Variants in DNAJB12 observed in about 807,000 individuals in gnomAD.
DNAJB12 encodes the protein DnaJ heat shock protein family (Hsp40) member B12.
A neutral mutation model predicts 40.6 loss-of-function variants in DNAJB12; 14 were observed. The observed-to-expected ratio is 0.34, with a 90% confidence interval of 0.23 to 0.54. The LOEUF (loss-of-function observed/expected upper bound fraction) is 0.54, where lower values mean the gene tolerates loss of function less well. Among genes scored for constraint, DNAJB12 ranks in the 20% least tolerant of loss-of-function variants. The probability of loss-of-function intolerance (pLI) is 0.92; values close to 1 mark genes in which losing one functional copy is unlikely to be tolerated. For missense variants in DNAJB12, 444 were observed against 501.7 expected (o/e 0.89, Z 1.10); for synonymous variants, 181 against 199.5 (o/e 0.91, Z 0.78).
intron 3 of DNAJB12, among the ~76,000 whole-genome samples, chr10:72,343,116 A>T (rs1461967639): frequency 1.3e-5 from 2 of 152,226 alleles, no homozygotes; most frequent in African/African-American, 4.8e-5. Flanking sequence ...CAGCTCTACT[A>T]CGTAACCCCA....
intron 1 of DNAJB12, chr10:72,354,506 C>T: frequency 6.7e-6 from 3 of 449,082 alleles, no homozygotes; most frequent in Non-Finnish European, 1.2e-5. Flanking sequence ...GTTTCATTCT[C>T]GGAGACCTCA....
Position 72,336,688 on chromosome 10 carries a change from C to T in DNAJB12, c.842G>A (p.Gly281Asp). The T allele has an allele frequency of 5.6e-6, 9 of 1,613,754 alleles. No homozygotes were observed. Among genetic ancestry groups the T allele is most frequent in the Non-Finnish European group, 6.8e-6 (8 of 1,179,760 alleles). ...PYSLSPRPSV[G>D]HIHRRVTDHL... Reference sequence around the variant, plus strand: ...GTCAGTGACTCGCCTGTGGATGTGGCCCACGGACCTGGCCAGAAATACCAG... The same window carrying T: ...GTCAGTGACTCGCCTGTGGATGTGGTCCACGGACCTGGCCAGAAATACCAG... The change falls in exon 7 of 9, where the codon GGC (glycine) becomes GAC (aspartate). Residue 281 changes from glycine (G) to aspartate (D), a missense_variant. Gly to Asp is a moderately conservative substitution (Grantham distance 94). Transcript: ENST00000444643.
In DNAJB12 at chr10:72,336,684, G is replaced by A; in HGVS notation, c.846C>T (p.His282=). Residue 282 remains histidine, a synonymous_variant, in exon 7 of 9, where the codon CAC becomes CAT. Coordinates refer to ENST00000444643, the MANE Select transcript of DNAJB12 (RefSeq NM_017626.7). ...YSLSPRPSVG[H]IHRRVTDHLG... Reference sequence around the variant, plus strand: ...GGTGGTCAGTGACTCGCCTGTGGATGTGGCCCACGGACCTGGCCAGAAATA... The same window carrying A: ...GGTGGTCAGTGACTCGCCTGTGGATATGGCCCACGGACCTGGCCAGAAATA... 6.2e-7 allele frequency: 1 copy of A among 1,613,976 alleles called. No homozygotes were observed. Among genetic ancestry groups the A allele is most frequent in the Non-Finnish European group, 8.5e-7 (1 of 1,179,904 alleles).
intron 5 of DNAJB12, among the ~76,000 whole-genome samples, chr10:72,340,481 C>T (rs561469811): frequency 2.3e-4 from 35 of 152,374 alleles, no homozygotes; most frequent in African/African-American, 7.7e-4. Flanking sequence ...GCCTTACCAG[C>T]GAGCGGTCTG....
rs779563267 is a variant in DNAJB12 at position 72,338,272 on chromosome 10, T to A, written c.763A>T (p.Ile255Phe). The change falls in exon 6 of 9, where the codon ATC (isoleucine) becomes TTC (phenylalanine). Residue 255 changes from isoleucine (I) to phenylalanine (F), a missense_variant. Coordinates refer to ENST00000444643, the MANE Select transcript of DNAJB12 (RefSeq NM_017626.7). ...CTGAGAGCTGACACGAGAATCAGGA[T>A]GAGGATAGGCATCAGCTGCACAAAC... The part of the protein sequence containing the change: ...GVFVQLMPIL[I>F]LILVSALSQL... 2.5e-6 allele frequency: 4 copies of A among 1,613,944 alleles called. No individual in the cohort carries two copies. The highest frequency in any genetic ancestry group is 3.4e-6 in the Non-Finnish European group (4 of 1,179,948).
At chr10:72,346,782 T>A (rs1861800242) in intron 1 of DNAJB12, among the ~76,000 whole-genome samples, 1 of 152,064 alleles carries the variant, frequency 6.6e-6, no homozygotes, top group Non-Finnish European at 1.5e-5. Context: ...AATACTACTT[T>A]AATTGCTATT....
At position 72,345,111 on chromosome 10, in the gene DNAJB12, G is replaced by T; in HGVS notation, c.150C>A (p.Leu50=). 6.2e-7 allele frequency: 1 copy of T among 1,612,472 alleles called. No homozygotes were observed. The highest frequency in any genetic ancestry group is 1.1e-5 in the South Asian group (1 of 90,802). Reference sequence around the variant, plus strand: ...CACCGGCAGTCTGTGGTTTCTGGTTGAGGGACTCAATCAGGGCTGTGCAAG... The same window carrying T: ...CACCGGCAGTCTGTGGTTTCTGGTTTAGGGACTCAATCAGGGCTGTGCAAG... ...TPRVRALIES[L]NQKPQTAGDQ... The change falls in exon 2 of 9, where the codon CTC becomes CTA. Residue 50 remains leucine, a synonymous_variant. Transcript: ENST00000444643.
At chr10:72,337,999 G>A (rs1330092263) in intron 6 of DNAJB12, among the ~76,000 whole-genome samples, 2 of 152,126 alleles carry the variant, frequency 1.3e-5, no homozygotes, top group African/African-American at 2.4e-5. Flanking sequence ...TGTAGCTCTC[G>A]CTGCAATTTC....
chr10:72,346,330 ATTTT>A (rs965588361), intron 1 of DNAJB12, among the ~76,000 whole-genome samples: 5 of 133,882 alleles, frequency 3.7e-5, no homozygotes, highest in African/African-American at 1.1e-4. Context: ...CGCCTGGCTA[ATTTT>A]TTTTTTTTTG....
At position 72,335,138 on chromosome 10, in the gene DNAJB12, A is replaced by G. The variant is rs1000016676; in HGVS notation, c.*31-521T>C. 6 of 988,762 alleles carry G rather than the reference A, an allele frequency of 6.1e-6. No homozygotes were observed. Among genetic ancestry groups the G allele is most frequent in the Non-Finnish European group, 7.2e-6 (6 of 831,788 alleles). 61.2% of individuals were successfully genotyped at this position (988,762 alleles called of 1,614,324 possible). ...GGATGCCTGTGGCTTCCAGGCTGCC[A>G]GGTGTGACGGCATTCGAGAGAGTGC... On this transcript the variant is annotated intron_variant, in intron 8 of 8. Coordinates refer to ENST00000444643, the MANE Select transcript of DNAJB12 (RefSeq NM_017626.7). The surrounding 1 kb of genome is among the most constrained non-coding windows in gnomAD (Gnocchi z 4.4).
chr10:72,354,866 C>T lies in DNAJB12; in HGVS notation c.32G>A (p.Cys11Tyr). ...GATGGCCTTGAGGGCGATGCTGATA[C>T]AGCGCTCAGCTTCATCCTTGTTGGA... is the stretch of plus-strand genomic sequence containing the variant. MESNKDEAER[C>Y]ISIALKAIQS... The change falls in exon 1 of 9, where the codon TGT (cysteine) becomes TAT (tyrosine). Residue 11 changes from cysteine (C) to tyrosine (Y), a missense_variant. Coordinates refer to ENST00000444643, the MANE Select transcript of DNAJB12 (RefSeq NM_017626.7). 1 of 1,614,110 alleles carries T rather than the reference C, an allele frequency of 6.2e-7. No homozygotes were observed. The highest frequency in any genetic ancestry group is 8.5e-7 in the Non-Finnish European group (1 of 1,179,956).
rs756696819 is a variant in DNAJB12, at chr10:72,345,089, C to T, written c.172G>A (p.Gly58Ser). ...GTGTCTGTGGGTGGGGGTTGGTCAC[C>T]GGCAGTCTGTGGTTTCTGGTTGAGG... The part of the protein sequence containing the change: ...ESLNQKPQTA[G>S]DQPPPTDTTH... Residue 58 changes from glycine (G) to serine (S), a missense_variant, in exon 2 of 9, where the codon GGT becomes AGT. Physicochemically the swap from Gly to Ser is moderately conservative, Grantham distance 56 (BLOSUM62 0). Transcript: ENST00000444643. The T allele has an allele frequency of 3.1e-6, 5 of 1,613,694 alleles. No homozygotes were observed. Among genetic ancestry groups the T allele is most frequent in the African/African-American group, 1.3e-5 (1 of 74,906 alleles).
In DNAJB12 at chr10:72,336,851, G is replaced by T. The variant is rs1564817509; in HGVS notation, c.834-155C>A. 11 of 588,664 alleles carry T rather than the reference G, an allele frequency of 1.9e-5. No individual in the cohort carries two copies. The Admixed American group carries it at 3.5e-4, about 19-fold the overall frequency. The allele number at this position is 588,664 out of a possible 1,614,324, so 36.5% of individuals were successfully genotyped here. A position where few individuals can be genotyped will look rare whatever the true frequency, so the allele number is the denominator to read the frequency against. ...GGGACCCGCACACTCCCTGAAAGGA[G>T]AGTCTGAGGAAAAGGCAGCGTCCTC... is the stretch of plus-strand genomic sequence containing the variant. On this transcript the variant is annotated intron_variant, in intron 6 of 8. Transcript: ENST00000444643.
At chr10:72,334,843 A>C in intron 8 of DNAJB12, 2 of 1,346,494 alleles carry the variant, frequency 1.5e-6, no homozygotes, top group Non-Finnish European at 1.9e-6. Flanking sequence ...GACACAGGCA[A>C]AGGAGGGGGT....
intron 1 of DNAJB12, among the ~76,000 whole-genome samples, chr10:72,346,080 A>G (rs975552265): frequency 6.6e-6 from 1 of 152,166 alleles, no homozygotes; most frequent in African/African-American, 2.4e-5. Flanking sequence ...ATTTAGGCAG[A>G]ATTCTGATAT....
chr10:72,337,339 C>A (rs1430791580), intron 6 of DNAJB12, among the ~76,000 whole-genome samples: 2 of 152,246 alleles, frequency 1.3e-5, no homozygotes, highest in Non-Finnish European at 2.9e-5. Flanking sequence ...CTGCCCCCTG[C>A]TGGCTGAGAA....
At chr10:72,349,159 A>T (rs1354171149) in intron 1 of DNAJB12, among the ~76,000 whole-genome samples, 1 of 152,146 alleles carries the variant, frequency 6.6e-6, no homozygotes, top group Non-Finnish European at 1.5e-5. Context: ...ACCCTGGCTG[A>T]TCTATGAAAT....
Position 72,341,088 on chromosome 10 carries a change from C to A in DNAJB12, c.540G>T (p.Ala180=). ...CCCCATGCCCATGGCCGTGCCGGGCCGCCTGGCTCTTGTCATCGCCGAACT... is the reference window on the plus strand; with the variant it reads ...CCCCATGCCCATGGCCGTGCCGGGCAGCCTGGCTCTTGTCATCGCCGAACT... The part of the protein sequence containing the change: ...YDQFGDDKSQ[A]ARHGHGHGDF... The change falls in exon 4 of 9, where the codon GCG becomes GCT. Residue 180 remains alanine, a synonymous_variant. Transcript: ENST00000444643. 6.2e-7 allele frequency: 1 copy of A among 1,614,180 alleles called. No homozygotes were observed. Among genetic ancestry groups the A allele is most frequent in the Admixed American group, 1.7e-5 (1 of 60,028 alleles).
At chr10:72,340,722 C>T in intron 5 of DNAJB12, 67 bp downstream of exon 5, 1 of 1,516,128 alleles carries the variant, frequency 6.6e-7, no homozygotes, top group South Asian at 1.2e-5. Context: ...ACACCCTCCT[C>T]CAAGCCCCCT....
Sources: allele counts gnomAD v4.1 joint callset (sites outside exome capture counted in the v4.1 genomes callset), GRCh38; gene constraint gnomAD v4.1.1; non-coding constraint Gnocchi (gnomAD v3.1); transcripts MANE v1.5; gene names NCBI Gene and HGNC (gene_info 2026-07-23, HGNC 2026-07-21).